HAGH: variants seen among roughly 807,000 people sequenced by gnomAD.
The protein encoded by HAGH is hydroxyacylglutathione hydrolase.
In HAGH, 29 loss-of-function variants were observed where a neutral mutation model predicts 35.1. The ratio of observed to expected loss-of-function variants is 0.83; its 90% CI spans 0.62 to 1.13. The LOEUF (loss-of-function observed/expected upper bound fraction) is 1.13, where lower values mean the gene tolerates loss of function less well. Among genes scored for constraint, HAGH ranks in the 50% most tolerant of loss-of-function variants. The pLI is 0.00. For missense variants in HAGH, 478 were observed against 419.6 expected (o/e 1.14, Z -1.22); for synonymous variants, 225 against 176.1 (o/e 1.28, Z -2.20).
At position 1,809,324 on chromosome 16, in the gene HAGH, C is replaced by G. The variant is rs145161829; in HGVS notation, c.886G>C (p.Val296Leu). 7.1e-5 allele frequency: 114 copies of G among 1,613,508 alleles called. No homozygotes were observed. Among genetic ancestry groups the G allele is most frequent in the Non-Finnish European group, 5.9e-6 (7 of 1,179,764 alleles). ...TTGAACTGGTCCTTCTCCCTGCGCACGGCCCGCATGGTGGTCACCGGGTCC... is the reference window on the plus strand; with the variant it reads ...TTGAACTGGTCCTTCTCCCTGCGCAGGGCCCGCATGGTGGTCACCGGGTCC... Reference protein sequence around the residue: ...ETDPVTTMRAVRREKDQFKMP... With the variant: ...ETDPVTTMRALRREKDQFKMP... Residue 296 changes from valine to leucine, a missense_variant, in exon 9 of 9, where the codon GTG becomes CTG. Coordinates refer to ENST00000397356, the MANE Select transcript of HAGH (RefSeq NM_005326.6).
upstream of HAGH, chr16:1,826,835 C>T (rs1393833580): frequency 4.3e-6 from 5 of 1,156,558 alleles, no homozygotes; most frequent in South Asian, 3.3e-5. Context: ...TGCAAAACAC[C>T]GGCGTCGGCG....
rs1222791293 is a variant in HAGH, at chr16:1,808,444, G to C, written c.*839C>G. ...GCCTCCCGAGTAGCCGGGACTACAG[G>C]TGTCTGCCACCACACCTGGCTAATT... On this transcript the variant is annotated 3_prime_UTR_variant, in exon 9 of 9. Transcript: ENST00000397356. The C allele has an allele frequency of 6.6e-6, 1 of 152,012 alleles. No individual in the cohort carries two copies. The highest frequency in any genetic ancestry group is 1.5e-5 in the Non-Finnish European group (1 of 68,036). 9.4% of individuals were successfully genotyped at this position (152,012 alleles called of 1,614,324 possible).
chr16:1,812,082 C>T (rs1567252066), intron 7 of HAGH, among the ~76,000 whole-genome samples: 6 of 150,528 alleles, frequency 4.0e-5, no homozygotes. Flanking sequence ...GTCCCAGGTA[C>T]GGGAGACTGA....
In HAGH at chr16:1,822,885, C is replaced by A; in HGVS notation, c.229G>T (p.Asp77Tyr). Residue 77 changes from aspartate to tyrosine, a missense_variant, in exon 2 of 9, where the codon GAT becomes TAT. Transcript: ENST00000397356. ...CGCACCTTCTGGGGCTGCACCGGAT[C>A]CACAATGGCAGCCTCCTTGGTCTCA... ...DDETKEAAIV[D>Y]PVQPQKVVDA... The A allele has an allele frequency of 1.2e-6, 2 of 1,613,762 alleles. No homozygotes were observed. Among genetic ancestry groups the A allele is most frequent in the Non-Finnish European group, 1.7e-6 (2 of 1,179,928 alleles).
At chr16:1,823,173 G>T in intron 1 of HAGH, 136 bp from the exon 2 acceptor site, 1 of 725,720 alleles carries the variant, frequency 1.4e-6, no homozygotes, top group East Asian at 2.7e-5. Flanking sequence ...GGTTCTTGCC[G>T]GGAATCCCAG....
chr16:1,825,324 C>T (rs1372631447), intron 1 of HAGH, among the ~76,000 whole-genome samples: 3 of 152,108 alleles, frequency 2.0e-5, no homozygotes, highest in Non-Finnish European at 4.4e-5. Context: ...TGGTGCTCAG[C>T]CTCCCCTGGA....
Position 1,809,074 on chromosome 16 carries a change from G to T in HAGH, c.*209C>A. 1 of 533,256 alleles carries T rather than the reference G, an allele frequency of 1.9e-6. No individual in the cohort carries two copies. The highest frequency in any genetic ancestry group is 3.0e-5 in the East Asian group (1 of 33,404). The allele number at this position is 533,256 out of a possible 1,614,324, so 33.0% of individuals were successfully genotyped here. ...CGAGGGGACAAGCAGAGGCCTAAAG[G>T]CCAGAAGAAAACAGTCTGCAAGGGG... On this transcript the variant is annotated 3_prime_UTR_variant, in exon 9 of 9. Coordinates refer to ENST00000397356, the MANE Select transcript of HAGH (RefSeq NM_005326.6).
rs1348437036 is a variant in HAGH, at chr16:1,826,804, G to C, written c.-17C>G. On this transcript the variant is annotated 5_prime_UTR_variant, in exon 1 of 9. Coordinates refer to ENST00000397356, the MANE Select transcript of HAGH (RefSeq NM_005326.6). ...CACCACCATGACCCGGGCCGGGCTG[G>C]ACTGCCGAGCTGCCCAGGACTGCAA... 1 of 1,220,238 alleles carries C rather than the reference G, an allele frequency of 8.2e-7. No homozygotes were observed. The highest frequency in any genetic ancestry group is 1.0e-6 in the Non-Finnish European group (1 of 977,586). 75.6% of individuals were successfully genotyped at this position (1,220,238 alleles called of 1,614,324 possible).
chr16:1,816,667 T>C (rs1444365340), intron 7 of HAGH, among the ~76,000 whole-genome samples: 1 of 152,216 alleles, frequency 6.6e-6, no homozygotes, highest in African/African-American at 2.4e-5. Flanking sequence ...CTGGGCGCTT[T>C]TTACACACGC....
intron 7 of HAGH, 178 bp from the exon 8 acceptor site, chr16:1,810,011 A>G: frequency 8.4e-6 from 5 of 595,456 alleles, no homozygotes; most frequent in Non-Finnish European, 1.5e-5. Context: ...TAAAAATACA[A>G]AAAACTAGCC....
chr16:1,815,531 G>A (rs908630904), intron 7 of HAGH, among the ~76,000 whole-genome samples: 5 of 152,228 alleles, frequency 3.3e-5, no homozygotes, highest in African/African-American at 4.8e-5. Flanking sequence ...AGAGATGACG[G>A]AGCAATGAGA....
At chr16:1,826,832 C>T (rs770955741), upstream of HAGH, 154 of 1,182,196 alleles carry the variant, frequency 1.3e-4, no homozygotes, top group Non-Finnish European at 1.5e-4. Flanking sequence ...GACTGCAAAA[C>T]ACCGGCGTCG....
intron 8 of HAGH, 106 bp from the exon 9 acceptor site, chr16:1,809,488 A>C: frequency 4.4e-6 from 4 of 900,460 alleles, no homozygotes; most frequent in Non-Finnish European, 7.1e-6. Context: ...CCCAGCCCTC[A>C]GAGGACACGG....
At chr16:1,824,881 A>C (rs1460442108) in intron 1 of HAGH, among the ~76,000 whole-genome samples, 1 of 152,148 alleles carries the variant, frequency 6.6e-6, no homozygotes, top group Non-Finnish European at 1.5e-5. Context: ...TAGCCTCAGC[A>C]CCACCCCAGC....
At position 1,808,305 on chromosome 16, in the gene HAGH, AT is replaced by A. The variant is rs1231309586; in HGVS notation, c.*977del. The A allele has an allele frequency of 0.023, 3,335 of 143,630 alleles. 66 individuals carry two copies. The highest frequency in any genetic ancestry group is 0.056 in the African/African-American group (2,199 of 39,268). The allele number at this position is 143,630 out of a possible 1,614,324, so 8.9% of individuals were successfully genotyped here. On this transcript the variant is annotated 3_prime_UTR_variant, in exon 9 of 9. Coordinates refer to ENST00000397356, the MANE Select transcript of HAGH (RefSeq NM_005326.6). ...TAAAAAGATTATTATTAAATTTCAT[AT>A]TTTTTTTTTTTTGAGACAGAGTCTT...
rs1567263020 is a variant in HAGH, at chr16:1,823,026, G to C, written c.88C>G (p.Leu30Val). The C allele has an allele frequency of 6.2e-7, 1 of 1,613,638 alleles. No individual in the cohort carries two copies. Residue 30 changes from leucine (L) to valine (V), a missense_variant, in exon 2 of 9, where the codon CTG becomes GTG. By Grantham distance (32) the Leu-to-Val change is conservative (BLOSUM62 1). Coordinates refer to ENST00000397356, the MANE Select transcript of HAGH (RefSeq NM_005326.6). The stretch of plus-strand genomic sequence containing the variant: ...AAATCTGTGTGGCAGAAAACTCCCA[G>C]CAGGGCTGGACCTGCAGACACAGAG... ...CARRGLGPAL[L>V]GVFCHTDLRK...
At chr16:1,809,933 G>A (rs1897563432) in intron 7 of HAGH, 100 bp from the exon 8 acceptor site, 2 of 832,000 alleles carry the variant, frequency 2.4e-6, no homozygotes, top group Non-Finnish European at 4.1e-6. Context: ...GGAGGCTAAG[G>A]CAGATGGATC....
At chr16:1,821,147 A>T (rs1251538280) in intron 3 of HAGH, among the ~76,000 whole-genome samples, 1 of 152,106 alleles carries the variant, frequency 6.6e-6, no homozygotes, top group Non-Finnish European at 1.5e-5. Flanking sequence ...GCCACACAGG[A>T]CAAGGGCCAG....
intron 1 of HAGH, among the ~76,000 whole-genome samples, chr16:1,823,304 G>A (rs1479826188): frequency 6.9e-6 from 1 of 145,122 alleles, no homozygotes; most frequent in Non-Finnish European, 1.5e-5. Flanking sequence ...GTCTCGCTCT[G>A]TCGCCCAGGC....
Sources: gnomAD v4.1 joint callset for allele counts (sites outside exome capture counted in the v4.1 genomes callset) on GRCh38, gnomAD v4.1.1 for gene constraint, MANE v1.5 for transcripts, NCBI Gene and HGNC (gene_info 2026-07-23, HGNC 2026-07-21) for gene names.